The following PCSK5 variants were observed in gnomAD, a reference collection of about 807,000 sequenced individuals.
PCSK5 encodes the protein proprotein convertase subtilisin/kexin type 5, also known as prohormone convertase 5.
In PCSK5, 129 loss-of-function variants were observed where a neutral mutation model predicts 233.2. The observed-to-expected ratio is 0.55, with a 90% CI of 0.48 to 0.64. The LOEUF (loss-of-function observed/expected upper bound fraction) is 0.64, where lower values mean the gene tolerates loss of function less well. Among genes scored for constraint, PCSK5 ranks in the 30% least tolerant of loss-of-function variants. The pLI is 0.00. For missense variants in PCSK5, 2,076 were observed against 2,430.1 expected, an observed-to-expected ratio of 0.85 and a Z score of 3.06; for synonymous variants, 825 against 879.2, an observed-to-expected ratio of 0.94 and a Z score of 1.09.
chr9:76,160,014 G>C (rs1279513688), intron 12 of PCSK5, among the ~76,000 whole-genome samples: 1 of 151,780 alleles, frequency 6.6e-6, no homozygotes, highest in African/African-American at 2.4e-5. Flanking sequence ...GTAGAGACGG[G>C]GTTTCACCAC....
intron 35 of PCSK5, among the ~76,000 whole-genome samples, chr9:76,346,931 G>A (rs1001659835): frequency 1.6e-4 from 24 of 152,126 alleles, no homozygotes; most frequent in African/African-American, 5.3e-4. Flanking sequence ...TAAAAGCATG[G>A]AAGGAGGGGT....
intron 9 of PCSK5, among the ~76,000 whole-genome samples, chr9:76,133,237 C>G (rs79894571): frequency 2.0e-5 from 3 of 152,040 alleles, no homozygotes. Flanking sequence ...CAGCACAACT[C>G]AGAATTCAAG....
chr9:76,232,004 C>T (rs985993271), intron 21 of PCSK5, among the ~76,000 whole-genome samples: 6 of 152,166 alleles, frequency 3.9e-5, no homozygotes, highest in African/African-American at 1.2e-4. Flanking sequence ...ATGACACAGA[C>T]TTTCAGGGTA....
intron 3 of PCSK5, among the ~76,000 whole-genome samples, chr9:76,013,945 C>CTT (rs142765776): frequency 3.5e-5 from 5 of 144,434 alleles, no homozygotes; most frequent in African/African-American, 2.5e-5. Flanking sequence ...TTTTTCTCAA[C>CTT]TTTTTTTTTT....
chr9:75,989,440 G>A (rs1335259668), intron 3 of PCSK5, among the ~76,000 whole-genome samples: 2 of 151,868 alleles, frequency 1.3e-5, no homozygotes, highest in African/African-American at 4.8e-5. Flanking sequence ...GTTGCAGTGA[G>A]CCATGATTGT....
chr9:75,993,383 A>T (rs761247270), intron 3 of PCSK5, among the ~76,000 whole-genome samples: 1 of 152,032 alleles, frequency 6.6e-6, no homozygotes, highest in Non-Finnish European at 1.5e-5. Flanking sequence ...CATTTGAAAA[A>T]CTGAGGAATC....
At position 76,169,981 on chromosome 9, in the gene PCSK5, T is replaced by C. The variant is rs1251137723; in HGVS notation, c.1756+141T>C. ...ATGTGTGCTTTGAATTACCTGCATG[T>C]ATTTCAGTTCTCAAGATTACCATTT... On this transcript the variant is annotated intron_variant, in intron 13 of 37. Coordinates refer to ENST00000674117, the MANE Select transcript of PCSK5 (RefSeq NM_001372043.1). 38 of 666,668 alleles carry C rather than the reference T, an allele frequency of 5.7e-5. No individual in the cohort carries two copies. In the East Asian group the frequency reaches 9.1e-4, roughly 16 times the overall value. The allele number at this position is 666,668 out of a possible 1,614,324, so 41.3% of individuals were successfully genotyped here.
At chr9:75,997,385 T>C (rs1827064403) in intron 3 of PCSK5, among the ~76,000 whole-genome samples, 1 of 152,180 alleles carries the variant, frequency 6.6e-6, no homozygotes, top group African/African-American at 2.4e-5. Flanking sequence ...AATGCCTAAA[T>C]TGTCTGGGGA....
chr9:76,335,274 A>G (rs976401075), intron 34 of PCSK5, among the ~76,000 whole-genome samples: 2 of 152,170 alleles, frequency 1.3e-5, no homozygotes, highest in African/African-American at 4.8e-5. Flanking sequence ...TAAGAAGACA[A>G]TTGTTCCACA....
At chr9:76,292,854 A>C (rs1828319746) in intron 25 of PCSK5, among the ~76,000 whole-genome samples, 1 of 152,196 alleles carries the variant, frequency 6.6e-6, no homozygotes, top group African/African-American at 2.4e-5. Context: ...TCCTAGAAGG[A>C]AAATGAAAGA....
At chr9:76,340,972 T>C (rs1829818372) in intron 35 of PCSK5, among the ~76,000 whole-genome samples, 1 of 151,270 alleles carries the variant, frequency 6.6e-6, no homozygotes, top group African/African-American at 2.4e-5. Context: ...CCCACCACTA[T>C]GGAAGGCTGA....
chr9:75,890,890 G>C lies in PCSK5; in HGVS notation c.-292G>C. The C allele has an allele frequency of 3.0e-6, 1 of 330,050 alleles. No individual in the cohort carries two copies. Among genetic ancestry groups the C allele is most frequent in the Non-Finnish European group, 5.5e-6 (1 of 181,908 alleles). 20.4% of individuals were successfully genotyped at this position (330,050 alleles called of 1,614,324 possible). The stretch of plus-strand genomic sequence containing the variant: ...CGAAACCCAACTGCGGAGGACGCCC[G>C]CCCCACTCAGCCTCCTCCTGCGTCC... On this transcript the variant is annotated 5_prime_UTR_variant, in exon 1 of 38. Coordinates refer to ENST00000674117, the MANE Select transcript of PCSK5 (RefSeq NM_001372043.1).
intron 35 of PCSK5, 149 bp from the exon 36 acceptor site, chr9:76,350,679 G>T: frequency 1.7e-6 from 1 of 581,266 alleles, no homozygotes. Flanking sequence ...TACTTTGTGT[G>T]GGAGACTTTT....
intron 5 of PCSK5, among the ~76,000 whole-genome samples, chr9:76,064,898 G>T (rs1830227465): frequency 1.3e-5 from 2 of 152,208 alleles, no homozygotes; most frequent in Admixed American, 1.3e-4. Flanking sequence ...TCTTGCCTAG[G>T]CTGGCTTTGA....
chr9:76,009,603 G>T (rs1261105648), intron 3 of PCSK5, among the ~76,000 whole-genome samples: 1 of 151,056 alleles, frequency 6.6e-6, no homozygotes, highest in Non-Finnish European at 1.5e-5. Flanking sequence ...CTCCAGCCTG[G>T]CGACAGAGCG....
chr9:75,985,135 C>G (rs1339436029), intron 2 of PCSK5, among the ~76,000 whole-genome samples: 1 of 152,126 alleles, frequency 6.6e-6, no homozygotes, highest in Non-Finnish European at 1.5e-5. Context: ...CATTTAGGCA[C>G]AAATTGAAGA....
intron 35 of PCSK5, among the ~76,000 whole-genome samples, 184 bp downstream of exon 35, chr9:76,338,631 G>A (rs541814636): frequency 6.6e-6 from 1 of 151,878 alleles, no homozygotes; most frequent in Non-Finnish European, 1.5e-5. Context: ...CCTCTAACCT[G>A]GGCTGCTCCT....
chr9:75,918,282 T>G (rs976014645), intron 1 of PCSK5, among the ~76,000 whole-genome samples: 1 of 152,246 alleles, frequency 6.6e-6, no homozygotes, highest in African/African-American at 2.4e-5. Context: ...TTGCACCCTT[T>G]GTTGAATGTT....
rs763642489 is a variant in PCSK5 at position 76,181,539 on chromosome 9, A to G, written c.2145A>G (p.Glu715=). 3 of 1,613,924 alleles carry G rather than the reference A, an allele frequency of 1.9e-6. No individual in the cohort carries two copies. The African/African-American group carries it at 4.0e-5, about 22-fold the overall frequency. ...GCAAATATGGATACTTTCTGAATGA[A>G]GAAACCAACAGCTGTGTTACTCACT... ...MSCKYGYFLN[E]ETNSCVTHCP... Residue 715 remains glutamate, a synonymous_variant, in exon 16 of 38, where the codon GAA becomes GAG. Transcript: ENST00000674117.
Sources: allele counts gnomAD v4.1 joint callset (sites outside exome capture counted in the v4.1 genomes callset), GRCh38; gene constraint gnomAD v4.1.1; transcripts MANE v1.5; gene names NCBI Gene and HGNC (gene_info 2026-07-23, HGNC 2026-07-21).